The following KCNK1 variants were observed in gnomAD, a reference collection of about 807,000 sequenced individuals.
KCNK1 encodes the protein potassium channel subfamily K member 1.
Under a neutral mutation model 22.2 loss-of-function variants are expected in KCNK1, and 10 were observed. The observed-to-expected ratio is 0.45, with a 90% CI of 0.28 to 0.76. The LOEUF is 0.76. KCNK1 is among the 30% of genes least tolerant of loss of function. The pLI is 0.14. For synonymous variants in KCNK1, 200 were observed against 186.4 expected (o/e 1.07, Z -0.60); for missense variants, 378 against 421.0 (o/e 0.90, Z 0.89).
chr1:233,642,990 C>T (rs10910234), intron 1 of KCNK1, among the ~76,000 whole-genome samples: 13,203 of 150,072 alleles, frequency 0.088, 1,118 homozygotes, highest in African/African-American at 0.2. Context: ...CCGTGGTGGC[C>T]AGGCTGGTCT....
chr1:233,633,265 T>TAAAC (rs201820712), intron 1 of KCNK1, among the ~76,000 whole-genome samples: 2 of 150,834 alleles, frequency 1.3e-5, no homozygotes, highest in South Asian at 2.1e-4. Flanking sequence ...TCAAAGTATG[T>TAAAC]AAACAAACAA....
chr1:233,622,164 A>G (rs701207), intron 1 of KCNK1, among the ~76,000 whole-genome samples: 20,352 of 152,158 alleles, frequency 0.13, 1,554 homozygotes, highest in East Asian at 0.21. Flanking sequence ...GTGAGTGTCT[A>G]TTGTCTTTGG....
At chr1:233,625,729 A>G (rs1026376017) in intron 1 of KCNK1, among the ~76,000 whole-genome samples, 1 of 152,116 alleles carries the variant, frequency 6.6e-6, no homozygotes, top group Non-Finnish European at 1.5e-5. Flanking sequence ...AGTCTTCCAT[A>G]AAGTTGCCCG....
intron 1 of KCNK1, among the ~76,000 whole-genome samples, chr1:233,622,536 T>C (rs1356201057): frequency 6.6e-6 from 1 of 152,202 alleles, no homozygotes; most frequent in Non-Finnish European, 1.5e-5. Context: ...TGACTTTCTT[T>C]GTTTCTTTTG....
chr1:233,628,425 CACACGT>C (rs1422819087), intron 1 of KCNK1, among the ~76,000 whole-genome samples: 1 of 152,128 alleles, frequency 6.6e-6, no homozygotes, highest in African/African-American at 2.4e-5. Context: ...AACACACCTG[CACACGT>C]ACCCCCGAAC....
chr1:233,630,230 G>C (rs9988471), intron 1 of KCNK1, among the ~76,000 whole-genome samples: 3,304 of 152,266 alleles, frequency 0.022, 120 homozygotes, highest in African/African-American at 0.072. Context: ...GGAAGCGTTT[G>C]AGTAGTTGCT....
At chr1:233,649,211 G>A (rs1004466962) in intron 1 of KCNK1, among the ~76,000 whole-genome samples, 1 of 152,202 alleles carries the variant, frequency 6.6e-6, no homozygotes, top group African/African-American at 2.4e-5. Context: ...TTCTCAGTAA[G>A]AATCTACTCC....
In KCNK1 at chr1:233,620,359, T is replaced by A. The variant is rs186347364; in HGVS notation, c.355+5833T>A. 9.8e-4 allele frequency among the ~76,000 whole-genome samples: 150 copies of A among 152,348 alleles called. 1 individual carries two copies. The highest frequency in any genetic ancestry group is 3.2e-3 in the African/African-American group (134 of 41,584). ...TATTTCACTTTCTTCTGGGAAACTTTGTGTAAGAAAGTTCAGCTTCTCAGA... is the reference window on the plus strand; with the variant it reads ...TATTTCACTTTCTTCTGGGAAACTTAGTGTAAGAAAGTTCAGCTTCTCAGA... On this transcript the variant is annotated intron_variant, in intron 1 of 2. Coordinates refer to ENST00000366621, the MANE Select transcript of KCNK1 (RefSeq NM_002245.4).
In KCNK1 at chr1:233,628,071, A is replaced by T. The variant is rs1657721094; in HGVS notation, c.355+13545A>T. Among the ~76,000 whole-genome samples, 4 of 152,110 alleles carry T rather than the reference A, an allele frequency of 2.6e-5. No individual in the cohort carries two copies. In the South Asian group the frequency reaches 6.2e-4, roughly 24 times the overall value. Reference sequence around the variant, plus strand: ...TGTCTCATTGACCCAGTGGCAGTGGAGTATGTGTGCCCTCAGAATTTCTTC... The same window carrying T: ...TGTCTCATTGACCCAGTGGCAGTGGTGTATGTGTGCCCTCAGAATTTCTTC... On this transcript the variant is annotated intron_variant, in intron 1 of 2. Coordinates refer to ENST00000366621, the MANE Select transcript of KCNK1 (RefSeq NM_002245.4).
chr1:233,654,127 A>G (rs974734329), intron 1 of KCNK1, among the ~76,000 whole-genome samples: 3 of 152,098 alleles, frequency 2.0e-5, no homozygotes, highest in Non-Finnish European at 4.4e-5. Flanking sequence ...TATGGGTAAT[A>G]AAGGCCAGTC....
chr1:233,656,776 G>A (rs1316284781), intron 1 of KCNK1, among the ~76,000 whole-genome samples: 3 of 152,170 alleles, frequency 2.0e-5, no homozygotes, highest in African/African-American at 7.2e-5. Context: ...ATGCCACCAT[G>A]CCCAGCTAAT....
intron 1 of KCNK1, among the ~76,000 whole-genome samples, chr1:233,626,636 A>G (rs1657693839): frequency 6.6e-6 from 1 of 152,174 alleles, no homozygotes; most frequent in African/African-American, 2.4e-5. Flanking sequence ...AGAAGAGGTC[A>G]TTCAGACTGA....
intron 1 of KCNK1, among the ~76,000 whole-genome samples, chr1:233,627,771 C>A (rs977247209): frequency 2.0e-5 from 3 of 152,148 alleles, no homozygotes; most frequent in African/African-American, 7.2e-5. Context: ...TCCAACCAAC[C>A]AAGATGGAAT....
At chr1:233,649,578 T>G (rs2102900495) in intron 1 of KCNK1, among the ~76,000 whole-genome samples, 1 of 152,312 alleles carries the variant, frequency 6.6e-6, no homozygotes, top group East Asian at 1.9e-4. Flanking sequence ...GGCTGGGAAG[T>G]CCAAGATCAA....
intron 1 of KCNK1, among the ~76,000 whole-genome samples, chr1:233,653,335 C>T (rs1558116980): frequency 6.6e-6 from 1 of 152,172 alleles, no homozygotes; most frequent in East Asian, 1.9e-4. Flanking sequence ...ACAGATATCC[C>T]CTGGTCTGTT....
chr1:233,667,106 C>T (rs180689683), intron 2 of KCNK1, 116 bp downstream of exon 2: 15 of 825,290 alleles, frequency 1.8e-5, no homozygotes, highest in East Asian at 1.6e-4. Flanking sequence ...TGCAGTGGTG[C>T]GATCTTGGCT....
intron 1 of KCNK1, among the ~76,000 whole-genome samples, chr1:233,618,998 C>CTCAGATG (rs1657532152): frequency 6.6e-6 from 1 of 152,138 alleles, no homozygotes; most frequent in Non-Finnish European, 1.5e-5. Context: ...CATGTGACAG[C>CTCAGATG]TCAGTTCCTG....
chr1:233,630,995 G>T (rs1571892447), intron 1 of KCNK1, among the ~76,000 whole-genome samples: 1 of 152,158 alleles, frequency 6.6e-6, no homozygotes, highest in African/African-American at 2.4e-5. Flanking sequence ...TAGCTTGTTT[G>T]CAGCAAAAGA....
chr1:233,656,896 G>A (rs1658308816), intron 1 of KCNK1, among the ~76,000 whole-genome samples: 1 of 152,194 alleles, frequency 6.6e-6, no homozygotes, highest in Non-Finnish European at 1.5e-5. Context: ...GGGATTACAG[G>A]TGTGAGTCAC....
Sources: allele counts gnomAD v4.1 joint callset (sites outside exome capture counted in the v4.1 genomes callset), GRCh38; gene constraint gnomAD v4.1.1; transcripts MANE v1.5; gene names NCBI Gene and HGNC (gene_info 2026-07-23, HGNC 2026-07-21).